RBBP4: variants seen among roughly 807,000 people sequenced by gnomAD.
RBBP4 encodes RB binding protein 4, chromatin remodeling factor.
A neutral mutation model predicts 57.2 loss-of-function variants in RBBP4; 3 were observed. The ratio of observed to expected loss-of-function variants is 0.05; its 90% CI spans 0.02 to 0.14. RBBP4 has a LOEUF of 0.14. Ranked by LOEUF, RBBP4 falls within the 10% of genes least tolerant of loss-of-function variation. The pLI is 1.00. For synonymous variants in RBBP4, 151 were observed against 171.5 expected (o/e 0.88, Z 0.93); for missense variants, 107 against 520.6 (o/e 0.21, Z 7.73).
intron 2 of RBBP4, chr1:32,652,291 T>G (rs932757959): frequency 3.7e-5 from 18 of 480,786 alleles, no homozygotes; most frequent in Non-Finnish European, 4.8e-5. Context: ...TAAATAGCTG[T>G]AGCTGATGAT....
chr1:32,684,515 T>C lies in RBBP4; in HGVS notation c.*4810T>C, dbSNP rs1649683113. Reference sequence around the variant, plus strand: ...AGTATTGAGGCTGGTATTTATATGATAGGTTATGAAACAGGTTCAAAGAAG... The same window carrying C: ...AGTATTGAGGCTGGTATTTATATGACAGGTTATGAAACAGGTTCAAAGAAG... On this transcript the variant is annotated 3_prime_UTR_variant, in exon 12 of 12. Coordinates refer to ENST00000373493, the MANE Select transcript of RBBP4 (RefSeq NM_005610.3). 4.6e-6 allele frequency: 6 copies of C among 1,315,016 alleles called. No individual in the cohort carries two copies. In the East Asian group the frequency reaches 9.5e-5, roughly 21 times the overall value. 81.5% of individuals were successfully genotyped at this position (1,315,016 alleles called of 1,614,324 possible).
chr1:32,654,625 C>T (rs1018864042), intron 2 of RBBP4, among the ~76,000 whole-genome samples: 2 of 152,174 alleles, frequency 1.3e-5, no homozygotes, highest in South Asian at 2.1e-4. Context: ...GAAATCTGTA[C>T]TGTCATCTTA....
At chr1:32,671,374 G>A (rs972187709) in intron 8 of RBBP4, among the ~76,000 whole-genome samples, 2 of 152,150 alleles carry the variant, frequency 1.3e-5, no homozygotes, top group African/African-American at 4.8e-5. Flanking sequence ...CATGAGGTCA[G>A]GAGTTTGAGA....
chr1:32,656,894 C>T (rs1045548731), intron 2 of RBBP4, among the ~76,000 whole-genome samples: 2 of 152,106 alleles, frequency 1.3e-5, no homozygotes, highest in Non-Finnish European at 2.9e-5. Flanking sequence ...GTTTGCTTTC[C>T]CTCCAACCTG....
intron 4 of RBBP4, 79 bp from the exon 5 acceptor site, chr1:32,668,660 T>G: frequency 8.4e-7 from 1 of 1,189,222 alleles, no homozygotes; most frequent in South Asian, 1.3e-5. Context: ...TTTAGACATC[T>G]TGACCAAAAT....
rs944034337 is a variant in RBBP4, at chr1:32,682,158, G to A, written c.*2453G>A. 36 of 375,446 alleles carry A rather than the reference G, an allele frequency of 9.6e-5. No homozygotes were observed. The highest frequency in any genetic ancestry group is 1.3e-4 in the Non-Finnish European group (27 of 203,888). The allele number at this position is 375,446 out of a possible 1,614,324, so 23.3% of individuals were successfully genotyped here. On this transcript the variant is annotated 3_prime_UTR_variant, in exon 12 of 12. Transcript: ENST00000373493. ...GTCTTTTCCAGATTGTACACAATCTGATCAACACAAAGGTAGTTAGTAGAT... is the reference window on the plus strand; with the variant it reads ...GTCTTTTCCAGATTGTACACAATCTAATCAACACAAAGGTAGTTAGTAGAT...
intron 11 of RBBP4, among the ~76,000 whole-genome samples, chr1:32,677,136 C>T (rs893166769): frequency 6.6e-6 from 1 of 152,090 alleles, no homozygotes; most frequent in Non-Finnish European, 1.5e-5. Context: ...GTGTCTTTGT[C>T]GTTCCTAGTG....
rs372285843 is a variant in RBBP4 at position 32,680,357 on chromosome 1, GTTTT to G, written c.*668_*671del. ...AATGGTGTTTTTTTTTTTGTTGTTG[GTTTT>G]TTTTTTTTTTTTTTTAACTTGGGAC... On this transcript the variant is annotated 3_prime_UTR_variant, in exon 12 of 12. Coordinates refer to ENST00000373493, the MANE Select transcript of RBBP4 (RefSeq NM_005610.3). 250 of 987,020 alleles carry G rather than the reference GTTTT, an allele frequency of 2.5e-4. No homozygotes were observed. Among genetic ancestry groups the G allele is most frequent in the East Asian group, 2.4e-3 (35 of 14,778 alleles). The allele number at this position is 987,020 out of a possible 1,614,324, so 61.1% of individuals were successfully genotyped here.
At chr1:32,659,170 C>G (rs1648291923) in intron 3 of RBBP4, among the ~76,000 whole-genome samples, 1 of 148,842 alleles carries the variant, frequency 6.7e-6, no homozygotes, top group Non-Finnish European at 1.5e-5. Context: ...ATTTTACACA[C>G]ACACAATATA....
chr1:32,661,549 C>T (rs1238716536), intron 3 of RBBP4, among the ~76,000 whole-genome samples: 2 of 152,022 alleles, frequency 1.3e-5, no homozygotes, highest in Non-Finnish European at 2.9e-5. Flanking sequence ...CTGCGTCAGC[C>T]TCCCAAAGTG....
chr1:32,670,281 T>C (rs936217541), intron 8 of RBBP4, among the ~76,000 whole-genome samples: 13 of 152,224 alleles, frequency 8.5e-5, no homozygotes, highest in Admixed American at 3.3e-4. Flanking sequence ...TCCAATATAT[T>C]CTTCATCCTT....
Position 32,681,796 on chromosome 1 carries a change from C to T in RBBP4, c.*2091C>T, listed in dbSNP as rs374709828. The T allele has an allele frequency of 6.2e-7, 1 of 1,614,096 alleles. No homozygotes were observed. Among genetic ancestry groups the T allele is most frequent in the East Asian group, 2.2e-5 (1 of 44,882 alleles). On this transcript the variant is annotated 3_prime_UTR_variant, in exon 12 of 12. Transcript: ENST00000373493. Reference sequence around the variant, plus strand: ...GTACATCCAAAGGGTACTTAGTGATCCTTTGCTAAGAAGTTTTTTGCTGTT... The same window carrying T: ...GTACATCCAAAGGGTACTTAGTGATTCTTTGCTAAGAAGTTTTTTGCTGTT...
Position 32,685,983 on chromosome 1 carries a change from C to G in RBBP4, c.*6278C>G, listed in dbSNP as rs1649800723. The G allele has an allele frequency of 6.6e-6, 1 of 152,186 alleles. No individual in the cohort carries two copies. The highest frequency in any genetic ancestry group is 6.5e-5 in the Admixed American group (1 of 15,270). 9.4% of individuals were successfully genotyped at this position (152,186 alleles called of 1,614,324 possible). A position where few individuals can be genotyped will look rare whatever the true frequency, so the allele number is the denominator to read the frequency against. ...CTACCTCCAACTTGAACCTCTGTTA[C>G]TCTTCCGTATGAACATTTTCCTCTA... On this transcript the variant is annotated 3_prime_UTR_variant, in exon 12 of 12. Coordinates refer to ENST00000373493, the MANE Select transcript of RBBP4 (RefSeq NM_005610.3).
At chr1:32,657,365 T>C in intron 2 of RBBP4, 62 bp from the exon 3 acceptor site, 2 of 1,506,768 alleles carry the variant, frequency 1.3e-6, no homozygotes, top group Non-Finnish European at 1.8e-6. Flanking sequence ...ACATGTATAT[T>C]GTTGACTTCG....
chr1:32,657,658 A>C (rs1648201326), intron 3 of RBBP4, 86 bp downstream of exon 3: 1 of 1,443,642 alleles, frequency 6.9e-7, no homozygotes, highest in Non-Finnish European at 9.4e-7. Flanking sequence ...TGACTTTAGA[A>C]ACAATATTTA....
intron 8 of RBBP4, among the ~76,000 whole-genome samples, chr1:32,670,559 A>T (rs940090609): frequency 2.3e-5 from 1 of 43,050 alleles, no homozygotes; most frequent in African/African-American, 3.5e-5. Flanking sequence ...GGAGCCCCCA[A>T]TTTTTTTATT....
At chr1:32,676,474 G>A (rs931649351) in intron 11 of RBBP4, among the ~76,000 whole-genome samples, 2 of 151,998 alleles carry the variant, frequency 1.3e-5, no homozygotes, top group Non-Finnish European at 2.9e-5. Flanking sequence ...GCCAGGCATG[G>A]TGACGGGCGC....
At chr1:32,673,148 CCTT>C (rs1648945122) in intron 11 of RBBP4, among the ~76,000 whole-genome samples, 1 of 152,148 alleles carries the variant, frequency 6.6e-6, no homozygotes, top group East Asian at 1.9e-4. Flanking sequence ...TCCCTCTCCT[CCTT>C]CTTTCTTTCT....
chr1:32,652,192 A>G, intron 2 of RBBP4, 131 bp downstream of exon 2: 2 of 1,090,776 alleles, frequency 1.8e-6, no homozygotes, highest in Non-Finnish European at 2.6e-6. Flanking sequence ...CATTTTTTCT[A>G]GGCCACAAAG....
Sources: allele counts gnomAD v4.1 joint callset (sites outside exome capture counted in the v4.1 genomes callset), GRCh38; gene constraint gnomAD v4.1.1; transcripts MANE v1.5; gene names NCBI Gene and HGNC (gene_info 2026-07-23, HGNC 2026-07-21).